Variants in SRP68 observed in about 807,000 individuals in gnomAD.
The protein encoded by SRP68 is signal recognition particle 68.
In SRP68, 15 loss-of-function variants were observed where a neutral mutation model predicts 82.2. That is an observed-to-expected ratio of 0.18 (90% CI 0.12 to 0.28). The LOEUF (loss-of-function observed/expected upper bound fraction) is 0.28. Ranked by LOEUF, SRP68 falls within the 10% of genes least tolerant of loss-of-function variation. The probability of loss-of-function intolerance (pLI) is 1.00; values close to 1 mark genes in which losing one functional copy is unlikely to be tolerated. For synonymous variants in SRP68, 261 were observed against 292.6 expected (o/e 0.89, Z 1.10); for missense variants, 595 against 780.5 (o/e 0.76, Z 2.83).
intron 13 of SRP68, among the ~76,000 whole-genome samples, chr17:76,042,725 C>T (rs1455421179): frequency 6.6e-6 from 1 of 151,968 alleles, no homozygotes; most frequent in Non-Finnish European, 1.5e-5. Context: ...GCTGGGATTA[C>T]AGGTGTGCAC....
chr17:76,049,654 T>C (rs2066657484), intron 9 of SRP68: 1 of 152,200 alleles, frequency 6.6e-6, no homozygotes, highest in African/African-American at 2.4e-5. Flanking sequence ...AAACGAAAAT[T>C]AGAATTTCTA....
intron 12 of SRP68, 104 bp downstream of exon 12, chr17:76,045,188 T>A: frequency 1.2e-6 from 1 of 833,858 alleles, no homozygotes; most frequent in East Asian, 2.4e-5. Flanking sequence ...AAGGTAACCA[T>A]ACACTCAAGG....
At chr17:76,056,076 G>C (rs1453441029) in intron 8 of SRP68, among the ~76,000 whole-genome samples, 2 of 152,022 alleles carry the variant, frequency 1.3e-5, no homozygotes, top group Non-Finnish European at 1.5e-5. Flanking sequence ...GCTTCTCAAA[G>C]CACTAGGATT....
chr17:76,053,549 T>A, intron 8 of SRP68: 3 of 985,386 alleles, frequency 3.0e-6, no homozygotes, highest in Non-Finnish European at 3.6e-6. Context: ...TAACTAAGCC[T>A]CTGCATCAAG....
chr17:76,042,435 G>A (rs903618739), intron 13 of SRP68, among the ~76,000 whole-genome samples: 2 of 151,044 alleles, frequency 1.3e-5, no homozygotes, highest in Non-Finnish European at 2.9e-5. Flanking sequence ...TGGCCAACAT[G>A]GTGAAACCCT....
At chr17:76,063,312 A>G (rs1045127828) in intron 4 of SRP68, among the ~76,000 whole-genome samples, 11 of 152,192 alleles carry the variant, frequency 7.2e-5, no homozygotes, top group African/African-American at 2.4e-4. Flanking sequence ...ACTTCCAAAA[A>G]AAAGTTTACT....
intron 8 of SRP68, 30 bp from the exon 9 acceptor site, chr17:76,050,556 T>C: frequency 6.4e-7 from 1 of 1,568,180 alleles, no homozygotes; most frequent in Non-Finnish European, 8.8e-7. Flanking sequence ...AGTAAGAGAC[T>C]TTCCTTTGAG....
rs1476648922 is a variant in SRP68, at chr17:76,071,159, G to T, written c.185-715C>A. Among the ~76,000 whole-genome samples, 2 of 152,264 alleles carry T rather than the reference G, an allele frequency of 1.3e-5. No homozygotes were observed. The highest frequency in any genetic ancestry group is 1.5e-5 in the Non-Finnish European group (1 of 68,014). Reference sequence around the variant, plus strand: ...TTCAGATTCAGGTTATAAATGACATGTACTAAGCCTCCATTTGCATAATCT... The same window carrying T: ...TTCAGATTCAGGTTATAAATGACATTTACTAAGCCTCCATTTGCATAATCT... On this transcript the variant is annotated intron_variant, in intron 1 of 15. Coordinates refer to ENST00000307877, the MANE Select transcript of SRP68 (RefSeq NM_014230.4). The surrounding 1 kb of genome is among the most constrained non-coding windows in gnomAD (Gnocchi z 4.7).
chr17:76,046,465 GAA>G (rs745410222), intron 10 of SRP68, among the ~76,000 whole-genome samples: 1 of 71,278 alleles, frequency 1.4e-5, no homozygotes. Flanking sequence ...CCACACAGTG[GAA>G]AAAAAAAAAA....
intron 4 of SRP68, among the ~76,000 whole-genome samples, chr17:76,062,729 T>TATATATA (rs2066772147): frequency 6.9e-5 from 1 of 14,514 alleles, no homozygotes; most frequent in South Asian, 1.4e-3. Flanking sequence ...TATATTTATT[T>TATATATA]TATATATATA....
At chr17:76,064,268 C>T (rs2066790517) in intron 3 of SRP68, 97 bp from the exon 4 acceptor site, 1 of 1,081,376 alleles carries the variant, frequency 9.2e-7, no homozygotes, top group Admixed American at 2.3e-5. Context: ...TTTCTTTATA[C>T]TCTCCCGCCT....
Position 76,072,130 on chromosome 17 carries a change from A to C in SRP68, c.184+178T>G. On this transcript the variant is annotated intron_variant, in intron 1 of 15. Transcript: ENST00000307877. The surrounding 1 kb of genome is among the most constrained non-coding windows in gnomAD (Gnocchi z 4.5). ...AGGACGGCGAGGGGGACACGAGGAA[A>C]GACTAGTCGAGAGACAGACCCCCCC... 5.0e-6 allele frequency: 6 copies of C among 1,202,656 alleles called. No homozygotes were observed. Among genetic ancestry groups the C allele is most frequent in the South Asian group, 2.9e-5 (2 of 68,766 alleles). 74.5% of individuals were successfully genotyped at this position (1,202,656 alleles called of 1,614,324 possible). A position where few individuals can be genotyped will look rare whatever the true frequency, so the allele number is the denominator to read the frequency against.
intron 8 of SRP68, among the ~76,000 whole-genome samples, chr17:76,050,934 AC>A (rs2066667999): frequency 6.6e-6 from 1 of 151,892 alleles, no homozygotes; most frequent in African/African-American, 2.4e-5. Flanking sequence ...GCACACCAGA[AC>A]TTTCCTTATC....
At chr17:76,055,540 G>C (rs2066706980) in intron 8 of SRP68, among the ~76,000 whole-genome samples, 1 of 151,802 alleles carries the variant, frequency 6.6e-6, no homozygotes, top group Non-Finnish European at 1.5e-5. Flanking sequence ...TGGATCACGA[G>C]GGCAGGAGTT....
At chr17:76,063,013 G>A (rs1365109428) in intron 4 of SRP68, among the ~76,000 whole-genome samples, 5 of 151,004 alleles carry the variant, frequency 3.3e-5, no homozygotes, top group South Asian at 2.1e-4. Context: ...TTTGTGATCT[G>A]CCCACCTTGG....
rs1247512754 is a variant in SRP68 at position 76,038,852 on chromosome 17, A to G, written c.*854T>C. 6.5e-6 allele frequency: 1 copy of G among 153,122 alleles called. No homozygotes were observed. Among genetic ancestry groups the G allele is most frequent in the Non-Finnish European group, 1.5e-5 (1 of 68,640 alleles). The allele number at this position is 153,122 out of a possible 1,614,324, so 9.5% of individuals were successfully genotyped here. A position where few individuals can be genotyped will look rare whatever the true frequency, so the allele number is the denominator to read the frequency against. ...TTTTGTGACTTCTATTATTGATGTTATAATAGAAGTGAAAAGGGATGACTA... is the reference window on the plus strand; with the variant it reads ...TTTTGTGACTTCTATTATTGATGTTGTAATAGAAGTGAAAAGGGATGACTA... On this transcript the variant is annotated 3_prime_UTR_variant, in exon 16 of 16. Transcript: ENST00000307877.
chr17:76,058,105 T>C (rs2066724997), intron 7 of SRP68, among the ~76,000 whole-genome samples: 1 of 151,230 alleles, frequency 6.6e-6, no homozygotes, highest in Non-Finnish European at 1.5e-5. Flanking sequence ...CTCGAGCAGC[T>C]AGGACTACAG....
At chr17:76,043,513 A>C (rs1474684127) in intron 13 of SRP68, 1 of 179,334 alleles carries the variant, frequency 5.6e-6, no homozygotes, top group Non-Finnish European at 1.2e-5. Context: ...TCTACCTTGA[A>C]AAAAATCTTC....
chr17:76,060,144 A>AAG (rs1555629000), intron 7 of SRP68, among the ~76,000 whole-genome samples, 164 bp downstream of exon 7: 9 of 143,424 alleles, frequency 6.3e-5, no homozygotes, highest in African/African-American at 2.3e-4. Flanking sequence ...AAAAAAAAAA[A>AAG]AAAAAAGAAA....
Sources: allele counts gnomAD v4.1 joint callset (sites outside exome capture counted in the v4.1 genomes callset), GRCh38; gene constraint gnomAD v4.1.1; non-coding constraint Gnocchi (gnomAD v3.1); transcripts MANE v1.5; gene names NCBI Gene and HGNC (gene_info 2026-07-23, HGNC 2026-07-21).